Variants in UNC5D observed in about 807,000 individuals in gnomAD.
UNC5D encodes the protein netrin receptor UNC5D.
UNC5D carries 39 observed loss-of-function variants against 105.4 expected under a neutral mutation model. That is an observed-to-expected ratio of 0.37 (90% CI 0.29 to 0.48). UNC5D has a LOEUF of 0.48. Among genes scored for constraint, UNC5D ranks in the 20% least tolerant of loss-of-function variants. The pLI, the probability that UNC5D is intolerant of heterozygous loss-of-function variation, is 0.98. For synonymous variants in UNC5D, 452 were observed against 450.4 expected (o/e 1.00, Z -0.04); for missense variants, 991 against 1,202.4 (o/e 0.82, Z 2.60).
At chr8:35,402,296 G>A (rs1474868968) in intron 1 of UNC5D, among the ~76,000 whole-genome samples, 1 of 152,108 alleles carries the variant, frequency 6.6e-6, no homozygotes, top group African/African-American at 2.4e-5. Flanking sequence ...GGCTGGGGAG[G>A]CCTCACAGTC....
chr8:35,390,339 C>T (rs1011423968), intron 1 of UNC5D, among the ~76,000 whole-genome samples: 1 of 152,118 alleles, frequency 6.6e-6, no homozygotes. Flanking sequence ...CGAGAGTTAA[C>T]TTAAAATAGG....
intron 1 of UNC5D, among the ~76,000 whole-genome samples, chr8:35,464,691 A>C (rs1809168986): frequency 6.6e-6 from 1 of 151,714 alleles, no homozygotes; most frequent in Non-Finnish European, 1.5e-5. Flanking sequence ...TAACCTGCTT[A>C]TTTTTATATT....
intron 1 of UNC5D, among the ~76,000 whole-genome samples, chr8:35,349,693 C>G (rs1812065687): frequency 6.6e-6 from 1 of 151,878 alleles, no homozygotes; most frequent in African/African-American, 2.4e-5. Flanking sequence ...AAATGAAAAG[C>G]CAGTTTAGTT....
chr8:35,685,551 G>A (rs965040974), intron 6 of UNC5D, among the ~76,000 whole-genome samples: 1 of 152,038 alleles, frequency 6.6e-6, no homozygotes, highest in African/African-American at 2.4e-5. Flanking sequence ...GTTAAGGTGG[G>A]GCTCTTCCTA....
chr8:35,457,513 T>A lies in UNC5D; in HGVS notation c.104-91779T>A, dbSNP rs1254804298. Among the ~76,000 whole-genome samples the A allele has an allele frequency of 5.9e-5, 9 of 152,316 alleles. No individual in the cohort carries two copies. The South Asian group carries it at 1.9e-3, about 32-fold the overall frequency. On this transcript the variant is annotated intron_variant, in intron 1 of 16. Transcript: ENST00000404895. ...TGATAGGTACTGATAACTTACCAAGTTCCACTGTGATAAAACCAAGTGTTT... is the reference window on the plus strand; with the variant it reads ...TGATAGGTACTGATAACTTACCAAGATCCACTGTGATAAAACCAAGTGTTT...
intron 4 of UNC5D, among the ~76,000 whole-genome samples, chr8:35,607,169 GA>G (rs1443028380): frequency 1.3e-5 from 2 of 152,032 alleles, no homozygotes; most frequent in East Asian, 1.9e-4. Flanking sequence ...CAATGTCAGT[GA>G]AAAAAATATT....
At chr8:35,512,126 TATCA>T (rs1812752619) in intron 1 of UNC5D, among the ~76,000 whole-genome samples, 2 of 152,166 alleles carry the variant, frequency 1.3e-5, no homozygotes, top group African/African-American at 4.8e-5. Context: ...TTCGTTAGAC[TATCA>T]ACTAATGGAG....
intron 1 of UNC5D, among the ~76,000 whole-genome samples, chr8:35,454,649 T>G (rs74741891): frequency 0.012 from 1,885 of 152,270 alleles, 34 homozygotes; most frequent in East Asian, 0.087. Flanking sequence ...CCCACACTCT[T>G]TTTCCTTTGT....
At chr8:35,463,974 G>A (rs1311122213) in intron 1 of UNC5D, among the ~76,000 whole-genome samples, 1 of 152,088 alleles carries the variant, frequency 6.6e-6, no homozygotes, top group Non-Finnish European at 1.5e-5. Context: ...ATTATGCTTT[G>A]GTGACAACCT....
Position 35,654,025 on chromosome 8 carries a change from G to GT in UNC5D, c.571-29517dup, listed in dbSNP as rs779327764. ...TCTTTGTGGCCTATGCTTAGAATGT[G>GT]TTTTTCTGGAGAGAATTTGTAAATT... On this transcript the variant is annotated intron_variant, in intron 4 of 16. Transcript: ENST00000404895. 4.0e-4 allele frequency among the ~76,000 whole-genome samples: 61 copies of GT among 152,060 alleles called. 1 individual carries two copies. The highest frequency in any genetic ancestry group is 2.2e-3 in the Admixed American group (34 of 15,290).
chr8:35,544,909 A>G (rs150768386), intron 1 of UNC5D, among the ~76,000 whole-genome samples: 1 of 152,154 alleles, frequency 6.6e-6, no homozygotes, highest in East Asian at 1.9e-4. Flanking sequence ...GGTCACACCT[A>G]TTCTTTATAT....
At chr8:35,456,080 A>G (rs1329417813) in intron 1 of UNC5D, among the ~76,000 whole-genome samples, 1 of 152,182 alleles carries the variant, frequency 6.6e-6, no homozygotes, top group African/African-American at 2.4e-5. Context: ...GGCCTGCCTA[A>G]TTCAGATAAT....
intron 1 of UNC5D, among the ~76,000 whole-genome samples, chr8:35,333,921 A>G (rs1810826764): frequency 6.6e-6 from 1 of 152,234 alleles, no homozygotes; most frequent in Non-Finnish European, 1.5e-5. Flanking sequence ...CAAATTTTAG[A>G]AACTTTGGGA....
At chr8:35,677,922 GTATATGTGTGTA>G (rs1395175142) in intron 4 of UNC5D, among the ~76,000 whole-genome samples, 3 of 151,262 alleles carry the variant, frequency 2.0e-5, no homozygotes, top group Non-Finnish European at 4.4e-5. Context: ...GTGTGTGTAT[GTATATGTGTGTA>G]TATATGTGTG....
chr8:35,360,017 A>T (rs1304639790), intron 1 of UNC5D, among the ~76,000 whole-genome samples: 1 of 152,206 alleles, frequency 6.6e-6, no homozygotes. Flanking sequence ...CAGTTGCAAA[A>T]ACAGAAGAGT....
intron 1 of UNC5D, among the ~76,000 whole-genome samples, chr8:35,423,690 G>C (rs545685591): frequency 1.1e-3 from 162 of 152,208 alleles, no homozygotes; most frequent in African/African-American, 3.9e-3. Flanking sequence ...AAAGCAATTG[G>C]AAACTATCTC....
intron 1 of UNC5D, among the ~76,000 whole-genome samples, chr8:35,381,075 G>C (rs370542686): frequency 2.6e-5 from 4 of 152,116 alleles, no homozygotes; most frequent in African/African-American, 9.7e-5. Context: ...GAATGTGTGT[G>C]TGTGTGTGTG....
intron 3 of UNC5D, among the ~76,000 whole-genome samples, chr8:35,593,288 G>A (rs1819292708): frequency 6.6e-6 from 1 of 151,990 alleles, no homozygotes; most frequent in South Asian, 2.1e-4. Context: ...ATCAAAGAAA[G>A]GACACAAAAG....
chr8:35,432,513 C>T (rs1806710387), intron 1 of UNC5D, among the ~76,000 whole-genome samples: 1 of 152,168 alleles, frequency 6.6e-6, no homozygotes, highest in Admixed American at 6.6e-5. Context: ...TTATCCACTT[C>T]ACTCTTACCA....
Sources: gnomAD v4.1 joint callset for allele counts (sites outside exome capture counted in the v4.1 genomes callset) on GRCh38, gnomAD v4.1.1 for gene constraint, MANE v1.5 for transcripts, NCBI Gene and HGNC (gene_info 2026-07-23, HGNC 2026-07-21) for gene names.